DLC1: variants seen among roughly 807,000 people sequenced by gnomAD.
DLC1 encodes the protein rho GTPase-activating protein 7.
Under a neutral mutation model 140.3 loss-of-function variants are expected in DLC1, and 54 were observed. That is an observed-to-expected ratio of 0.38 (90% CI 0.31 to 0.48). The LOEUF is 0.48. DLC1 is among the 20% of genes least tolerant of loss of function. The pLI, the probability that DLC1 is intolerant of heterozygous loss-of-function variation, is 0.96. For synonymous variants in DLC1, 986 were observed against 728.1 expected, an observed-to-expected ratio of 1.35 and a Z score of -5.70; for missense variants, 2,536 against 1,907.0, an observed-to-expected ratio of 1.33 and a Z score of -6.14.
chr8:13,102,800 T>C lies in DLC1; in HGVS notation c.1556A>G (p.His519Arg). ...CAVMKLEISPHRKRSDDSDED... is the reference protein window; with the variant it reads ...CAVMKLEISPRRKRSDDSDED... ...AATTTGTATACTCACTCGTTTCCGA[T>C]GAGGACTAATTTCTAGCTTCATCAC... is the stretch of plus-strand genomic sequence containing the variant. Residue 519 changes from histidine (H) to arginine (R), a missense_variant, in exon 8 of 18, where the codon CAT (histidine) becomes CGT (arginine). Physicochemically the swap from His to Arg is conservative, Grantham distance 29 (BLOSUM62 0). Coordinates refer to ENST00000276297, the MANE Select transcript of DLC1 (RefSeq NM_182643.3). 6.2e-7 allele frequency: 1 copy of C among 1,613,986 alleles called. No homozygotes were observed.
At chr8:13,561,503 AT>A (rs527496000) in intron 1 of DLC1, among the ~76,000 whole-genome samples, 1 of 152,136 alleles carries the variant, frequency 6.6e-6, no homozygotes, top group African/African-American at 2.4e-5. Flanking sequence ...GCTTAAACTT[AT>A]TTTTTTAATG....
chr8:13,358,520 T>A lies in DLC1; in HGVS notation c.1314+35033A>T, dbSNP rs553531060. Among the ~76,000 whole-genome samples, 120 of 152,330 alleles carry A rather than the reference T, an allele frequency of 7.9e-4. 1 individual carries two copies. The highest frequency in any genetic ancestry group is 2.8e-3 in the African/African-American group (118 of 41,572). ...TTATTAATTTGCCACCTAGTATTTT[T>A]CTAGTCTACAGTAGGGGAAGGAAAT... is the stretch of plus-strand genomic sequence containing the variant. On this transcript the variant is annotated intron_variant, in intron 4 of 17. Coordinates refer to ENST00000276297, the MANE Select transcript of DLC1 (RefSeq NM_182643.3).
intron 5 of DLC1, among the ~76,000 whole-genome samples, chr8:13,137,817 C>G (rs547296948): frequency 6.6e-6 from 1 of 151,760 alleles, no homozygotes; most frequent in Non-Finnish European, 1.5e-5. Flanking sequence ...AGACTGGTCT[C>G]GAACTCCTGA....
chr8:13,319,765 A>G (rs2116897921), intron 4 of DLC1, among the ~76,000 whole-genome samples: 1 of 149,828 alleles, frequency 6.7e-6, no homozygotes, highest in African/African-American at 2.4e-5. Flanking sequence ...AGAGCGGATT[A>G]ATACACCAAC....
Position 13,319,819 on chromosome 8 carries a change from C to CTT in DLC1, c.1315-14518_1315-14517insAA, listed in dbSNP as rs547737556. On this transcript the variant is annotated intron_variant, in intron 4 of 17. Coordinates refer to ENST00000276297, the MANE Select transcript of DLC1 (RefSeq NM_182643.3). ...CCAACCATTGTTTAATTCTCTCTCT[C>CTT]TCTTTTTTTTTTTTTTTTTTTGAGA... Among the ~76,000 whole-genome samples the CTT allele has an allele frequency of 8.3e-3, 633 of 75,998 alleles. 64 individuals carry two copies. The highest frequency in any genetic ancestry group is 0.029 in the African/African-American group (583 of 20,162). The allele number at this position is 75,998 out of a possible 152,430, so 49.9% of individuals were successfully genotyped here.
intron 1 of DLC1, among the ~76,000 whole-genome samples, chr8:13,530,913 C>T (rs1803074613): frequency 1.3e-5 from 2 of 152,076 alleles, no homozygotes; most frequent in African/African-American, 2.4e-5. Context: ...AATTGTGTTC[C>T]CTGCAAACTT....
chr8:13,547,097 C>G (rs1803677902), intron 1 of DLC1, among the ~76,000 whole-genome samples: 2 of 151,940 alleles, frequency 1.3e-5, no homozygotes, highest in Non-Finnish European at 1.5e-5. Context: ...TGGAAAATTT[C>G]ACACTATATG....
intron 2 of DLC1, among the ~76,000 whole-genome samples, chr8:13,426,727 T>C (rs1253860027): frequency 6.6e-6 from 1 of 152,180 alleles, no homozygotes; most frequent in African/African-American, 2.4e-5. Flanking sequence ...TTTTCTATGT[T>C]CTTCATATTT....
intron 5 of DLC1, among the ~76,000 whole-genome samples, chr8:13,184,525 C>A (rs1826233076): frequency 6.6e-6 from 1 of 152,180 alleles, no homozygotes; most frequent in Non-Finnish European, 1.5e-5. Flanking sequence ...GTTCAAAGAA[C>A]ATCTTTATTT....
intron 4 of DLC1, among the ~76,000 whole-genome samples, chr8:13,334,908 C>T (rs1833756190): frequency 6.6e-6 from 1 of 152,182 alleles, no homozygotes; most frequent in African/African-American, 2.4e-5. Flanking sequence ...TCATTTATGC[C>T]TCTTAACTTT....
intron 4 of DLC1, chr8:13,342,801 T>G (rs1834129938): frequency 6.6e-6 from 1 of 151,698 alleles, no homozygotes. Flanking sequence ...TTTCTCTCTC[T>G]CTCGCTTTGC....
In DLC1 at chr8:13,115,645, T is replaced by C; in HGVS notation, c.1361A>G (p.Lys454Arg). ...TGCCCGTAGCCAATCACAAGCTTCC[T>C]TGGCTTCAATTTCTAGAACAGAACA... ...SEKEKAEIEA[K>R]EACDWLRATG... Residue 454 changes from lysine (K) to arginine (R), a missense_variant, in exon 6 of 18, where the codon AAG (lysine) becomes AGG (arginine). Transcript: ENST00000276297. 4 of 1,614,122 alleles carry C rather than the reference T, an allele frequency of 2.5e-6. No homozygotes were observed. Among genetic ancestry groups the C allele is most frequent in the Non-Finnish European group, 3.4e-6 (4 of 1,180,010 alleles).
At chr8:13,549,797 A>T (rs1375827417) in intron 1 of DLC1, among the ~76,000 whole-genome samples, 1 of 152,082 alleles carries the variant, frequency 6.6e-6, no homozygotes, top group Non-Finnish European at 1.5e-5. Flanking sequence ...ATGCATTTGG[A>T]TTTTCAAGGA....
intron 2 of DLC1, among the ~76,000 whole-genome samples, chr8:13,457,251 T>C (rs1194805556): frequency 6.6e-6 from 1 of 152,180 alleles, no homozygotes; most frequent in Non-Finnish European, 1.5e-5. Context: ...CCACTGTCTA[T>C]TTTGTTGAAT....
At chr8:13,327,040 C>A (rs113212160) in intron 4 of DLC1, among the ~76,000 whole-genome samples, 1 of 151,728 alleles carries the variant, frequency 6.6e-6, no homozygotes, top group Admixed American at 6.6e-5. Flanking sequence ...CTGCAAGCTC[C>A]GCCTCCCAGG....
At chr8:13,189,787 C>G (rs575310786) in intron 5 of DLC1, among the ~76,000 whole-genome samples, 23 of 152,026 alleles carry the variant, frequency 1.5e-4, no homozygotes, top group Non-Finnish European at 3.4e-4. Context: ...GAGGCTGAGG[C>G]AGGAGAATCG....
chr8:13,359,158 C>G (rs944462994), intron 4 of DLC1, among the ~76,000 whole-genome samples: 2 of 152,180 alleles, frequency 1.3e-5, no homozygotes, highest in South Asian at 2.1e-4. Flanking sequence ...CCAGGATGGT[C>G]TCGATCTCCT....
intron 2 of DLC1, among the ~76,000 whole-genome samples, chr8:13,422,351 C>T (rs1585081104): frequency 6.6e-6 from 1 of 151,188 alleles, no homozygotes; most frequent in Non-Finnish European, 1.5e-5. Context: ...AGAACCAGAC[C>T]ACAAAGTAGT....
intron 5 of DLC1, among the ~76,000 whole-genome samples, chr8:13,251,318 G>A (rs1829995198): frequency 6.6e-6 from 1 of 151,972 alleles, no homozygotes; most frequent in South Asian, 2.1e-4. Flanking sequence ...GGGCAGGGTG[G>A]GAAATTACAA....
Sources: gnomAD v4.1 joint callset for allele counts (sites outside exome capture counted in the v4.1 genomes callset) on GRCh38, gnomAD v4.1.1 for gene constraint, MANE v1.5 for transcripts, NCBI Gene and HGNC (gene_info 2026-07-23, HGNC 2026-07-21) for gene names.